TLL1: variants seen among roughly 807,000 people sequenced by gnomAD.
TLL1 encodes tolloid-like protein 1.
A neutral mutation model predicts 128.2 loss-of-function variants in TLL1; 49 were observed. The observed-to-expected ratio is 0.38, with a 90% CI of 0.30 to 0.48. TLL1 has a LOEUF of 0.48. Among genes scored for constraint, TLL1 ranks in the 20% least tolerant of loss-of-function variants. The pLI, the probability that TLL1 is intolerant of heterozygous loss-of-function variation, is 0.96. For synonymous variants in TLL1, 454 were observed against 418.8 expected (o/e 1.08, Z -1.03); for missense variants, 1,123 against 1,242.0 (o/e 0.90, Z 1.44).
intron 12 of TLL1, among the ~76,000 whole-genome samples, chr4:166,054,769 T>C (rs1007284312): frequency 6.6e-6 from 1 of 152,054 alleles, no homozygotes; most frequent in African/African-American, 2.4e-5. Context: ...TTTCAGCCTC[T>C]ATTGAATGAA....
chr4:166,096,137 C>G (rs1033811043), intron 19 of TLL1, among the ~76,000 whole-genome samples: 3 of 151,254 alleles, frequency 2.0e-5, no homozygotes, highest in African/African-American at 4.9e-5. Context: ...AAAATCACAC[C>G]TCTTTTGCAT....
At chr4:166,051,717 G>A (rs1739747126) in intron 12 of TLL1, among the ~76,000 whole-genome samples, 3 of 152,078 alleles carry the variant, frequency 2.0e-5, no homozygotes, top group Admixed American at 6.6e-5. Flanking sequence ...GGTAATTGAC[G>A]AGATATCTAG....
chr4:165,991,190 T>G (rs1417367673), intron 2 of TLL1, among the ~76,000 whole-genome samples: 1 of 152,022 alleles, frequency 6.6e-6, no homozygotes, highest in Non-Finnish European at 1.5e-5. Context: ...TAATTTAATT[T>G]TATTTATTGT....
At chr4:165,980,666 C>T (rs1736112980) in intron 1 of TLL1, among the ~76,000 whole-genome samples, 1 of 151,862 alleles carries the variant, frequency 6.6e-6, no homozygotes, top group Non-Finnish European at 1.5e-5. Context: ...TTCAAAGTAG[C>T]CTTCAAATAC....
chr4:166,032,813 A>G (rs1241050402), intron 9 of TLL1, among the ~76,000 whole-genome samples: 1 of 152,134 alleles, frequency 6.6e-6, no homozygotes, highest in East Asian at 1.9e-4. Context: ...CACAAATAAA[A>G]ATGAAAACGG....
At chr4:166,013,329 C>A (rs912150297) in intron 7 of TLL1, among the ~76,000 whole-genome samples, 7 of 151,700 alleles carry the variant, frequency 4.6e-5, no homozygotes, top group Non-Finnish European at 8.8e-5. Context: ...GAAGGAATTT[C>A]TGTTTGTTTT....
intron 1 of TLL1, among the ~76,000 whole-genome samples, chr4:165,956,510 A>G (rs1012388264): frequency 2.0e-5 from 3 of 150,982 alleles, no homozygotes; most frequent in Admixed American, 6.6e-5. Flanking sequence ...ACGTCCATTT[A>G]TAGGCTCTCT....
intron 1 of TLL1, among the ~76,000 whole-genome samples, chr4:165,945,868 A>AG (rs1734222839): frequency 6.6e-6 from 1 of 152,170 alleles, no homozygotes; most frequent in Admixed American, 6.6e-5. Flanking sequence ...GACTCTGCAG[A>AG]GGGAATTAAG....
At chr4:166,031,927 T>A (rs1738788632) in intron 9 of TLL1, among the ~76,000 whole-genome samples, 1 of 152,136 alleles carries the variant, frequency 6.6e-6, no homozygotes, top group African/African-American at 2.4e-5. Flanking sequence ...GCTTCTCTAA[T>A]CTTCTCAGCA....
chr4:166,090,672 A>G (rs939848161), intron 18 of TLL1, among the ~76,000 whole-genome samples: 2 of 152,064 alleles, frequency 1.3e-5, no homozygotes, highest in Non-Finnish European at 1.5e-5. Context: ...GTTGCATTTA[A>G]GTTTTGTAAA....
chr4:165,981,434 GC>G (rs1736145779), intron 1 of TLL1, among the ~76,000 whole-genome samples: 1 of 152,040 alleles, frequency 6.6e-6, no homozygotes, highest in East Asian at 1.9e-4. Context: ...GAGTTGATAA[GC>G]TTTGAGTCAA....
chr4:166,099,626 CA>C (rs34057891), intron 20 of TLL1, 99 bp downstream of exon 20: 188,132 of 925,406 alleles, frequency 0.2, 328 homozygotes, highest in East Asian at 0.31. Flanking sequence ...ATGCTTTTTG[CA>C]AAAAAAAAAA....
intron 3 of TLL1, among the ~76,000 whole-genome samples, chr4:165,993,392 G>A (rs1167497691): frequency 1.3e-5 from 2 of 152,078 alleles, no homozygotes; most frequent in South Asian, 2.1e-4. Flanking sequence ...AATATTTACA[G>A]TATTGAATGT....
intron 1 of TLL1, among the ~76,000 whole-genome samples, chr4:165,985,412 C>T (rs527845023): frequency 7.0e-4 from 106 of 152,094 alleles, no homozygotes; most frequent in Middle Eastern, 6.8e-3. Flanking sequence ...AGTATTTTCT[C>T]CTGAGTGGAC....
At chr4:165,959,633 A>G (rs891751796) in intron 1 of TLL1, among the ~76,000 whole-genome samples, 11 of 152,156 alleles carry the variant, frequency 7.2e-5, no homozygotes, top group Non-Finnish European at 1.6e-4. Context: ...TTGAAATAAT[A>G]TCTAGCATAC....
chr4:166,011,681 G>A (rs1372499499), intron 7 of TLL1, among the ~76,000 whole-genome samples: 1 of 151,416 alleles, frequency 6.6e-6, no homozygotes, highest in East Asian at 1.9e-4. Flanking sequence ...TTGAATATAA[G>A]TGACAAGGGT....
intron 1 of TLL1, among the ~76,000 whole-genome samples, chr4:165,965,700 C>T (rs1330294605): frequency 6.6e-6 from 1 of 152,112 alleles, no homozygotes; most frequent in Non-Finnish European, 1.5e-5. Flanking sequence ...GTTCACATTG[C>T]CTACAGTGAG....
intron 19 of TLL1, among the ~76,000 whole-genome samples, chr4:166,094,368 T>C (rs979284195): frequency 1.3e-5 from 2 of 152,182 alleles, no homozygotes; most frequent in African/African-American, 2.4e-5. Context: ...AAAATGAATA[T>C]AAAACTGTCA....
At chr4:165,892,184 G>A (rs1731452897) in intron 1 of TLL1, among the ~76,000 whole-genome samples, 1 of 152,176 alleles carries the variant, frequency 6.6e-6, no homozygotes, top group African/African-American at 2.4e-5. Flanking sequence ...CTGCTCCCAT[G>A]ATTCAATTAC....
Sources: gnomAD v4.1 joint callset for allele counts (sites outside exome capture counted in the v4.1 genomes callset) on GRCh38, gnomAD v4.1.1 for gene constraint, MANE v1.5 for transcripts, NCBI Gene and HGNC (gene_info 2026-07-23, HGNC 2026-07-21) for gene names.